MICU3: variants seen among roughly 807,000 people sequenced by gnomAD.
The protein encoded by MICU3 is mitochondrial calcium uptake 3.
MICU3 carries 62 observed loss-of-function variants against 66.5 expected under a neutral mutation model. The observed-to-expected ratio is 0.93, with a 90% CI of 0.76 to 1.15. The LOEUF (loss-of-function observed/expected upper bound fraction) is 1.15, where lower values mean the gene tolerates loss of function less well. MICU3 is among the 50% of genes most tolerant of loss of function. The pLI, the probability that MICU3 is intolerant of heterozygous loss-of-function variation, is 0.00. For missense variants in MICU3, 779 were observed against 664.4 expected, an observed-to-expected ratio of 1.17 and a Z score of -1.90; for synonymous variants, 308 against 240.7, an observed-to-expected ratio of 1.28 and a Z score of -2.59.
chr8:17,137,521 T>A, the MICU3 span, among the ~76,000 whole-genome samples: 52,344 of 134,584 alleles, frequency 0.39, 10,369 homozygotes, highest in East Asian at 0.72. Context: ...TGCTTTTTTT[T>A]AAAAAAAAAA....
chr8:17,073,814 A>G (rs939620409), intron 3 of MICU3, among the ~76,000 whole-genome samples: 3 of 152,216 alleles, frequency 2.0e-5, no homozygotes, highest in Non-Finnish European at 4.4e-5. Context: ...ATGTAGAATT[A>G]CAGAGTGAAA....
chr8:17,098,957 G>T (rs2150795946), intron 9 of MICU3, among the ~76,000 whole-genome samples: 1 of 151,782 alleles, frequency 6.6e-6, no homozygotes, highest in Admixed American at 6.6e-5. Context: ...AAGGGCCTGG[G>T]GTATGGGAGT....
At position 17,122,292 on chromosome 8, in the gene MICU3, T is replaced by C. The variant is rs1803250201; in HGVS notation, c.*2005T>C. On this transcript the variant is annotated 3_prime_UTR_variant, in exon 15 of 15. Coordinates refer to ENST00000318063, the MANE Select transcript of MICU3 (RefSeq NM_181723.3). ...ATATTATCACTCTTGAATTTTATCA[T>C]CTATAAAATGAGAGATAAAAATATC... is the stretch of plus-strand genomic sequence containing the variant. 2 of 151,878 alleles carry C rather than the reference T, an allele frequency of 1.3e-5. No individual in the cohort carries two copies. Among genetic ancestry groups the C allele is most frequent in the Admixed American group, 6.6e-5 (1 of 15,244 alleles). The allele number at this position is 151,878 out of a possible 1,614,324, so 9.4% of individuals were successfully genotyped here. A position where few individuals can be genotyped will look rare whatever the true frequency, so the allele number is the denominator to read the frequency against.
chr8:17,065,640 G>A (rs1818563914), intron 2 of MICU3, among the ~76,000 whole-genome samples: 1 of 152,174 alleles, frequency 6.6e-6, no homozygotes, highest in African/African-American at 2.4e-5. Context: ...ATTGCCAATT[G>A]AGTGCAGTGT....
rs1803214333 is a variant in MICU3, at chr8:17,121,794, T to A, written c.*1507T>A. 1 of 152,090 alleles carries A rather than the reference T, an allele frequency of 6.6e-6. No homozygotes were observed. The highest frequency in any genetic ancestry group is 1.9e-4 in the East Asian group (1 of 5,198). The allele number at this position is 152,090 out of a possible 1,614,324, so 9.4% of individuals were successfully genotyped here. ...CTAATATTATTTATGACAGTAATTT[T>A]AAAATATATTATTCATAAGTTCAAG... On this transcript the variant is annotated 3_prime_UTR_variant, in exon 15 of 15. Coordinates refer to ENST00000318063, the MANE Select transcript of MICU3 (RefSeq NM_181723.3).
At chr8:17,046,064 G>A (rs1420601770) in intron 1 of MICU3, among the ~76,000 whole-genome samples, 1 of 152,204 alleles carries the variant, frequency 6.6e-6, no homozygotes, top group Non-Finnish European at 1.5e-5. Context: ...ATAAATGTAA[G>A]TAAGTGTTTC....
At chr8:17,134,788 G>C in the MICU3 span, among the ~76,000 whole-genome samples, 2 of 152,114 alleles carry the variant, frequency 1.3e-5, no homozygotes, top group African/African-American at 2.4e-5. Flanking sequence ...ATGATTGGAT[G>C]TGGCCTGCCC....
intron 1 of MICU3, among the ~76,000 whole-genome samples, chr8:17,045,429 C>A (rs935700623): frequency 6.6e-6 from 1 of 152,154 alleles, no homozygotes; most frequent in African/African-American, 2.4e-5. Flanking sequence ...GGGTTTAGAT[C>A]ATATCTTTTT....
intron 1 of MICU3, among the ~76,000 whole-genome samples, chr8:17,050,435 A>G (rs949307185): frequency 1.3e-5 from 2 of 152,086 alleles, no homozygotes; most frequent in East Asian, 1.9e-4. Flanking sequence ...TTAAACTGAT[A>G]TAATTTCCAT....
the MICU3 span, among the ~76,000 whole-genome samples, chr8:17,129,752 A>G: frequency 6.6e-6 from 1 of 152,224 alleles, no homozygotes; most frequent in Non-Finnish European, 1.5e-5. Flanking sequence ...AGTACTAACC[A>G]AAATTCTTCC....
At chr8:17,092,732 A>G (rs1800210342) in intron 8 of MICU3, among the ~76,000 whole-genome samples, 1 of 152,104 alleles carries the variant, frequency 6.6e-6, no homozygotes, top group Non-Finnish European at 1.5e-5. Flanking sequence ...CAATTAGAAA[A>G]AAATTCCAAC....
chr8:17,044,714 C>A (rs1000416809), intron 1 of MICU3, among the ~76,000 whole-genome samples: 5 of 152,192 alleles, frequency 3.3e-5, no homozygotes, highest in African/African-American at 1.2e-4. Context: ...GCCTGTTTCT[C>A]CTTACAGTTG....
chr8:17,069,906 G>A (rs896161888), intron 3 of MICU3, among the ~76,000 whole-genome samples, 187 bp downstream of exon 3: 2 of 151,860 alleles, frequency 1.3e-5, no homozygotes, highest in African/African-American at 2.4e-5. Flanking sequence ...AAAGGTGGAC[G>A]TTTCTAAGGG....
At chr8:17,071,646 A>G (rs1819604884) in intron 3 of MICU3, among the ~76,000 whole-genome samples, 1 of 152,228 alleles carries the variant, frequency 6.6e-6, no homozygotes, top group South Asian at 2.1e-4. Flanking sequence ...GGCACAGAAT[A>G]GAATGTGATT....
intron 2 of MICU3, among the ~76,000 whole-genome samples, chr8:17,066,544 T>TATATATATA: frequency 1.6e-5 from 1 of 61,528 alleles, no homozygotes; most frequent in Non-Finnish European, 2.8e-5. Context: ...TATATATAGA[T>TATATATATA]TTTTTTTTTT....
intron 13 of MICU3, among the ~76,000 whole-genome samples, chr8:17,117,189 G>C (rs775512451): frequency 1.3e-5 from 2 of 151,786 alleles, no homozygotes; most frequent in Non-Finnish European, 2.9e-5. Flanking sequence ...TGTTGCCCAG[G>C]CTGACGTTGA....
chr8:17,043,143 G>C (rs1456932258), intron 1 of MICU3, among the ~76,000 whole-genome samples: 1 of 151,558 alleles, frequency 6.6e-6, no homozygotes, highest in Non-Finnish European at 1.5e-5. Flanking sequence ...GTTTCACCGT[G>C]TTAGCCAGGA....
In MICU3 at chr8:17,057,105, G is replaced by A. The variant is rs1817064043; in HGVS notation, c.382-6979G>A. Among the ~76,000 whole-genome samples the A allele has an allele frequency of 3.9e-5, 6 of 152,178 alleles. No homozygotes were observed. In the South Asian group the frequency reaches 1.2e-3, roughly 32 times the overall value. On this transcript the variant is annotated intron_variant, in intron 1 of 14. Coordinates refer to ENST00000318063, the MANE Select transcript of MICU3 (RefSeq NM_181723.3). ...CTGTCAGTAAATAACCATTGAATGTGTTGATAACTAGCAGAGCTTTAAACA... is the reference window on the plus strand; with the variant it reads ...CTGTCAGTAAATAACCATTGAATGTATTGATAACTAGCAGAGCTTTAAACA...
At chr8:17,044,074 G>T (rs947487064) in intron 1 of MICU3, among the ~76,000 whole-genome samples, 1 of 152,158 alleles carries the variant, frequency 6.6e-6, no homozygotes, top group Non-Finnish European at 1.5e-5. Context: ...CCTTTTGCTA[G>T]CAAATGATAG....
Sources: allele counts gnomAD v4.1 joint callset (sites outside exome capture counted in the v4.1 genomes callset), GRCh38; gene constraint gnomAD v4.1.1; transcripts MANE v1.5; gene names NCBI Gene and HGNC (gene_info 2026-07-23, HGNC 2026-07-21).